Variants in FANCI observed in about 807,000 individuals in gnomAD.
FANCI encodes the protein FA complementation group I.
In FANCI, 156 loss-of-function variants were observed where a neutral mutation model predicts 176.1. The observed-to-expected ratio is 0.89, with a 90% confidence interval of 0.78 to 1.01. The LOEUF (loss-of-function observed/expected upper bound fraction) is 1.01, where lower values mean the gene tolerates loss of function less well. Among genes scored for constraint, FANCI ranks in the 50% least tolerant of loss-of-function variants. The pLI is 0.00. For missense variants in FANCI, 1,678 were observed against 1,534.1 expected (o/e 1.09, Z -1.57); for synonymous variants, 613 against 541.7 (o/e 1.13, Z -1.83).
At chr15:89,279,285 G>A (rs190428419) in intron 14 of FANCI, among the ~76,000 whole-genome samples, 3 of 152,152 alleles carry the variant, frequency 2.0e-5, no homozygotes, top group Admixed American at 6.5e-5. Flanking sequence ...AGCCTCCTCA[G>A]TAGCTGGGAT....
intron 22 of FANCI, 121 bp downstream of exon 22, chr15:89,293,184 T>C: frequency 9.5e-7 from 1 of 1,055,592 alleles, no homozygotes; most frequent in South Asian, 1.3e-5. Context: ...GTCTCTTAAA[T>C]GAGCACCTAG....
chr15:89,316,602 A>T lies in FANCI; in HGVS notation c.*143A>T. On this transcript the variant is annotated 3_prime_UTR_variant, in exon 38 of 38. Coordinates refer to ENST00000310775, the MANE Select transcript of FANCI (RefSeq NM_001113378.2). ...TGAATTCAACTGCACCTTCAGTTAG[A>T]AGGAATCTTCTTGGCAGGTCCTGCT... 1 of 1,109,918 alleles carries T rather than the reference A, an allele frequency of 9.0e-7. No individual in the cohort carries two copies. The highest frequency in any genetic ancestry group is 2.0e-5 in the Admixed American group (1 of 51,274). 68.8% of individuals were successfully genotyped at this position (1,109,918 alleles called of 1,614,324 possible). A position where few individuals can be genotyped will look rare whatever the true frequency, so the allele number is the denominator to read the frequency against.
In FANCI at chr15:89,268,453, C is replaced by T. The variant is rs1389471400; in HGVS notation, c.810C>T (p.Thr270=). 6.2e-7 allele frequency: 1 copy of T among 1,613,968 alleles called. No homozygotes were observed. ...GTGAACTTCGTCATGTGGAAGGCAC[C>T]ATTATTCTACACATTGTGTTTGCCA... ...PSGELRHVEG[T]IILHIVFAIK... is the part of the protein sequence containing the mutation. Residue 270 remains threonine, a synonymous_variant, in exon 10 of 38, where the codon ACC becomes ACT. Transcript: ENST00000310775.
intron 9 of FANCI, among the ~76,000 whole-genome samples, chr15:89,266,092 G>A (rs2052942705): frequency 6.7e-6 from 1 of 150,246 alleles, no homozygotes; most frequent in African/African-American, 2.5e-5. Context: ...CAATTCCTGG[G>A]CTCAAGTGAC....
rs1458382345 is a variant in FANCI, at chr15:89,293,993, T to C, written c.2452T>C (p.Phe818Leu). 6.2e-7 allele frequency: 1 copy of C among 1,614,168 alleles called. No individual in the cohort carries two copies. Among genetic ancestry groups the C allele is most frequent in the Middle Eastern group, 1.6e-4 (1 of 6,062 alleles). Residue 818 changes from phenylalanine to leucine, a missense_variant, in exon 23 of 38, where the codon TTC becomes CTC. By Grantham distance (22) the Phe-to-Leu change is conservative. Around this residue, in one of 3 missense-constraint regions of FANCI, gnomAD observed 1,204 missense variants for 1,077.4 expected, o/e 1.12. Transcript: ENST00000310775. ...KFVSSLLTAL[F>L]RDSIQSHQES... ...TGTGTCCAGTCTTCTCACTGCTCTT[T>C]TCAGGTAAGGTTCTGCTAGAGTGCT...
rs757625716 is a variant in FANCI, at chr15:89,268,543, A to G, written c.882+18A>G. 50 of 1,613,940 alleles carry G rather than the reference A, an allele frequency of 3.1e-5. No homozygotes were observed. Among genetic ancestry groups the G allele is most frequent in the Non-Finnish European group, 4.2e-5 (49 of 1,179,932 alleles). On this transcript the variant is annotated intron_variant, in intron 10 of 37. Transcript: ENST00000310775. Reference sequence around the variant, plus strand: ...ACTTAAAGGTAGCATCAAACTTGTAAGGTGATCTGGGTCTCTTTTGAATGA... The same window carrying G: ...ACTTAAAGGTAGCATCAAACTTGTAGGGTGATCTGGGTCTCTTTTGAATGA...
chr15:89,292,547 A>G (rs1193218574), intron 20 of FANCI, 141 bp from the exon 21 acceptor site: 2 of 860,124 alleles, frequency 2.3e-6, no homozygotes, highest in Non-Finnish European at 3.6e-6. Context: ...CAGTTTTGTT[A>G]ATTTAGATGG....
In FANCI at chr15:89,316,039, A is replaced by G. The variant is rs572965520; in HGVS notation, c.3925-358A>G. On this transcript the variant is annotated intron_variant, in intron 37 of 37. Transcript: ENST00000310775. ...GAACATGCATTCTTCAGATGATCACACTCCAGGCTCTAATGTACCTGGCCC... is the reference window on the plus strand; with the variant it reads ...GAACATGCATTCTTCAGATGATCACGCTCCAGGCTCTAATGTACCTGGCCC... Among the ~76,000 whole-genome samples the G allele has an allele frequency of 3.3e-5, 5 of 151,986 alleles. No individual in the cohort carries two copies. The South Asian group carries it at 1.0e-3, about 32-fold the overall frequency.
intron 37 of FANCI, among the ~76,000 whole-genome samples, chr15:89,315,687 A>C (rs1413883570): frequency 1.3e-5 from 2 of 150,996 alleles, no homozygotes; most frequent in African/African-American, 4.8e-5. Context: ...ATGACCAGCT[A>C]TAGCAGTCTG....
intron 12 of FANCI, 78 bp downstream of exon 12, chr15:89,274,382 G>C: frequency 6.6e-7 from 1 of 1,510,740 alleles, no homozygotes; most frequent in Non-Finnish European, 9.1e-7. Flanking sequence ...CATACTTGCA[G>C]CCTGTGAGGG....
chr15:89,260,931 CT>C (rs1168596744), intron 4 of FANCI, 88 bp downstream of exon 4: 3 of 1,490,106 alleles, frequency 2.0e-6, no homozygotes, highest in Non-Finnish European at 2.8e-6. Context: ...AGTGCCCAAC[CT>C]AGCATAGTCC....
In FANCI at chr15:89,300,317, G is replaced by A. The variant is rs1349031115; in HGVS notation, c.2821G>A (p.Gly941Arg). The A allele has an allele frequency of 1.2e-6, 2 of 1,613,638 alleles. No individual in the cohort carries two copies. The highest frequency in any genetic ancestry group is 3.3e-5 in the Admixed American group (2 of 60,014). The change falls in exon 26 of 38, where the codon GGA (glycine) becomes AGA (arginine). Residue 941 changes from glycine (G) to arginine (R), a missense_variant. By Grantham distance (125) the Gly-to-Arg change is moderately radical. Around this residue, in one of 3 missense-constraint regions of FANCI, gnomAD observed 1,204 missense variants for 1,077.4 expected, o/e 1.12. Coordinates refer to ENST00000310775, the MANE Select transcript of FANCI (RefSeq NM_001113378.2). The part of the protein sequence containing the change: ...LRALDVTDKE[G>R]EEREDADVSV... ...ATTCCTAGATGTCACAGATAAGGAA[G>A]GAGAAGAGAGAGAAGATGCAGATGT...
At chr15:89,265,510 G>A (rs2052905743) in intron 9 of FANCI, among the ~76,000 whole-genome samples, 1 of 149,788 alleles carries the variant, frequency 6.7e-6, no homozygotes, top group Admixed American at 6.6e-5. Flanking sequence ...CCTGGCCAAG[G>A]ATTTTTGTTT....
intron 19 of FANCI, 118 bp downstream of exon 19, chr15:89,290,399 T>C: frequency 1.2e-6 from 1 of 804,906 alleles, no homozygotes; most frequent in Admixed American, 2.0e-5. Context: ...TAGTACTTTG[T>C]GAACATGCTG....
At chr15:89,308,097 G>C (rs1437028302) in intron 34 of FANCI, 1 of 1,118,390 alleles carries the variant, frequency 8.9e-7, no homozygotes, top group Non-Finnish European at 1.1e-6. Flanking sequence ...GGCTTTGTAA[G>C]TGTCATTTGG....
chr15:89,246,963 G>T (rs62020317), intron 1 of FANCI, among the ~76,000 whole-genome samples: 2 of 151,228 alleles, frequency 1.3e-5, no homozygotes, highest in East Asian at 1.9e-4. Flanking sequence ...AGAGACGGGG[G>T]TTTCACCGTG....
rs776699877 is a variant in FANCI at position 89,307,639 on chromosome 15, C to A, written c.3618C>A (p.Thr1206=). The change falls in exon 34 of 38, where the codon ACC becomes ACA. Residue 1206 remains threonine, a synonymous_variant. Coordinates refer to ENST00000310775, the MANE Select transcript of FANCI (RefSeq NM_001113378.2). ...KLVKLSGSHL[T]PLCYSFISYV... is the part of the protein sequence containing the mutation. ...TGAAGCTGTCTGGTTCTCATCTGAC[C>A]CCCCTGTGTTATTCTTTCATTTCTT... The A allele has an allele frequency of 1.7e-5, 28 of 1,613,938 alleles. No homozygotes were observed. In the South Asian group the frequency reaches 2.7e-4, roughly 16 times the overall value.
chr15:89,308,050 G>A, intron 34 of FANCI: 2 of 1,150,982 alleles, frequency 1.7e-6, no homozygotes, highest in East Asian at 5.9e-5. Flanking sequence ...TGAGACGGCA[G>A]TGCAGTGAGG....
chr15:89,252,931 A>G (rs190344968), intron 2 of FANCI, among the ~76,000 whole-genome samples: 3 of 152,336 alleles, frequency 2.0e-5, no homozygotes, highest in African/African-American at 7.2e-5. Context: ...AATCCCATTG[A>G]GCTATATATA....
Sources: allele counts gnomAD v4.1 joint callset (sites outside exome capture counted in the v4.1 genomes callset), GRCh38; gene constraint gnomAD v4.1.1; regional missense constraint gnomAD v4.1.1; transcripts MANE v1.5; gene names NCBI Gene and HGNC (gene_info 2026-07-23, HGNC 2026-07-21).